RBMS3: variants seen among roughly 807,000 people sequenced by gnomAD.
RBMS3 encodes RNA-binding motif, single-stranded-interacting protein 3.
RBMS3 carries 27 observed loss-of-function variants against 66.8 expected under a neutral mutation model. The observed-to-expected ratio is 0.40, with a 90% CI of 0.30 to 0.56. The LOEUF (loss-of-function observed/expected upper bound fraction) is 0.56. Ranked by LOEUF, RBMS3 falls within the 20% of genes least tolerant of loss-of-function variation. The pLI, the probability that RBMS3 is intolerant of heterozygous loss-of-function variation, is 0.40. For synonymous variants in RBMS3, 188 were observed against 183.0 expected, an observed-to-expected ratio of 1.03 and a Z score of -0.22; for missense variants, 513 against 549.5, an observed-to-expected ratio of 0.93 and a Z score of 0.66.
rs562407159 is a variant in RBMS3 at position 29,569,058 on chromosome 3, A to T, written c.308-18056A>T. 3.9e-5 allele frequency among the ~76,000 whole-genome samples: 6 copies of T among 152,244 alleles called. No homozygotes were observed. The East Asian group carries it at 9.7e-4, about 25-fold the overall frequency. ...AATTGTGCACTTCTAACAAGCTCCCAAGTGATGCCAACATTGCTTTTCCAC... is the reference window on the plus strand; with the variant it reads ...AATTGTGCACTTCTAACAAGCTCCCTAGTGATGCCAACATTGCTTTTCCAC... On this transcript the variant is annotated intron_variant, in intron 3 of 14. Transcript: ENST00000383767.
chr3:29,458,507 A>C (rs1575873705), intron 2 of RBMS3, among the ~76,000 whole-genome samples: 1 of 152,312 alleles, frequency 6.6e-6, no homozygotes, highest in South Asian at 2.1e-4. Flanking sequence ...ACCTAAACAC[A>C]TCCTCCTGTA....
chr3:29,302,969 G>T (rs1334221740), intron 1 of RBMS3, among the ~76,000 whole-genome samples: 1 of 151,934 alleles, frequency 6.6e-6, no homozygotes, highest in Non-Finnish European at 1.5e-5. Context: ...TTATACCTTA[G>T]TCTCATATGA....
chr3:29,743,782 AT>A (rs990595213), intron 5 of RBMS3, among the ~76,000 whole-genome samples: 143 of 149,056 alleles, frequency 9.6e-4, no homozygotes, highest in African/African-American at 3.4e-3. Flanking sequence ...TTTAGGGTAC[AT>A]GTGCACAATG....
intron 3 of RBMS3, among the ~76,000 whole-genome samples, chr3:29,533,799 C>A (rs1167331990): frequency 6.6e-6 from 1 of 151,982 alleles, no homozygotes; most frequent in Admixed American, 6.6e-5. Flanking sequence ...TAAATAAAGC[C>A]CCCTTTGGAG....
intron 4 of RBMS3, among the ~76,000 whole-genome samples, chr3:29,589,327 C>T (rs552198676): frequency 2.6e-5 from 4 of 152,146 alleles, no homozygotes; most frequent in Admixed American, 2.6e-4. Flanking sequence ...TTTTAAAGAC[C>T]TCCTAAAACG....
intron 4 of RBMS3, among the ~76,000 whole-genome samples, chr3:29,707,918 A>G (rs2052983121): frequency 1.3e-5 from 2 of 152,118 alleles, no homozygotes; most frequent in Non-Finnish European, 2.9e-5. Context: ...TTTATTGTGG[A>G]GTGTTTTATT....
At chr3:29,536,286 T>G (rs145529220) in intron 3 of RBMS3, among the ~76,000 whole-genome samples, 17 of 152,234 alleles carry the variant, frequency 1.1e-4, no homozygotes, top group Non-Finnish European at 2.1e-4. Context: ...AGGGAAAAAT[T>G]TTTGTATGTG....
chr3:29,910,633 G>T (rs1017412942), intron 10 of RBMS3, among the ~76,000 whole-genome samples: 5 of 151,922 alleles, frequency 3.3e-5, no homozygotes, highest in Non-Finnish European at 5.9e-5. Context: ...TGCTATGTCT[G>T]CAATTTAGGA....
At chr3:29,516,629 G>A (rs2044639500) in intron 3 of RBMS3, among the ~76,000 whole-genome samples, 1 of 152,000 alleles carries the variant, frequency 6.6e-6, no homozygotes, top group South Asian at 2.1e-4. Flanking sequence ...TGTTGCCCAG[G>A]CTTGTGTCTA....
intron 1 of RBMS3, among the ~76,000 whole-genome samples, chr3:29,421,739 C>A (rs144988716): frequency 1.3e-4 from 20 of 152,288 alleles, no homozygotes; most frequent in Admixed American, 1.3e-3. Context: ...AGTAGCTCCT[C>A]TCAGTAGCTA....
intron 1 of RBMS3, among the ~76,000 whole-genome samples, chr3:29,287,967 G>T (rs1230399464): frequency 6.6e-6 from 1 of 151,860 alleles, no homozygotes; most frequent in Non-Finnish European, 1.5e-5. Flanking sequence ...TATTAAAAAT[G>T]TTTTGTTTTA....
intron 4 of RBMS3, among the ~76,000 whole-genome samples, chr3:29,711,073 C>T (rs2053144474): frequency 1.3e-5 from 2 of 152,034 alleles, no homozygotes; most frequent in Admixed American, 1.3e-4. Context: ...GTACTTAGCC[C>T]TATGTATCCT....
At chr3:29,348,378 G>A (rs1482033195) in intron 1 of RBMS3, among the ~76,000 whole-genome samples, 1 of 151,998 alleles carries the variant, frequency 6.6e-6, no homozygotes, top group African/African-American at 2.4e-5. Flanking sequence ...GATGCAGGTG[G>A]GGTTGTGCAT....
rs2031759358 is a variant in RBMS3, at chr3:29,281,397, C to G, written c.-285C>G. ...ACAAACTGCCTCATCCCAAGTGGAC[C>G]CCGGCAGCTGGGGGAAGCCAGGCAA... On this transcript the variant is annotated 5_prime_UTR_variant, in exon 1 of 15. Coordinates refer to ENST00000383767, the MANE Select transcript of RBMS3 (RefSeq NM_001003793.3). The G allele has an allele frequency of 2.5e-5, 12 of 476,416 alleles. No homozygotes were observed. The Admixed American group carries it at 5.0e-4, about 20-fold the overall frequency. 29.5% of individuals were successfully genotyped at this position (476,416 alleles called of 1,614,324 possible).
intron 4 of RBMS3, among the ~76,000 whole-genome samples, chr3:29,666,671 T>C (rs2050773255): frequency 6.6e-6 from 1 of 152,066 alleles, no homozygotes; most frequent in South Asian, 2.1e-4. Flanking sequence ...ATTAAGTTAA[T>C]ATTAATATAA....
intron 7 of RBMS3, among the ~76,000 whole-genome samples, chr3:29,870,402 A>C (rs1038136898): frequency 1.3e-5 from 2 of 152,192 alleles, no homozygotes; most frequent in African/African-American, 4.8e-5. Flanking sequence ...ACAGACTATC[A>C]TCACAAAGCC....
chr3:29,636,010 T>G (rs1477417135), intron 4 of RBMS3, among the ~76,000 whole-genome samples: 1 of 150,530 alleles, frequency 6.6e-6, no homozygotes, highest in Non-Finnish European at 1.5e-5. Context: ...ATGCAAATAT[T>G]TAGAAGGGTC....
At chr3:29,609,630 A>G (rs1222012457) in intron 4 of RBMS3, among the ~76,000 whole-genome samples, 1 of 152,060 alleles carries the variant, frequency 6.6e-6, no homozygotes, top group Non-Finnish European at 1.5e-5. Context: ...TAGATACTGG[A>G]GAACAGGGAG....
intron 1 of RBMS3, among the ~76,000 whole-genome samples, chr3:29,325,651 CACACACACACACAT>C (rs1318103609): frequency 1.4e-4 from 20 of 146,942 alleles, no homozygotes; most frequent in Non-Finnish European, 3.0e-5. Flanking sequence ...CACATACACA[CACACACACACACAT>C]ACACACACAT....
Sources: gnomAD v4.1 joint callset for allele counts (sites outside exome capture counted in the v4.1 genomes callset) on GRCh38, gnomAD v4.1.1 for gene constraint, MANE v1.5 for transcripts, NCBI Gene and HGNC (gene_info 2026-07-23, HGNC 2026-07-21) for gene names.